Variants in CDON observed in about 807,000 individuals in gnomAD.
CDON encodes the protein cell adhesion molecule-related/down-regulated by oncogenes.
A neutral mutation model predicts 120.9 loss-of-function variants in CDON; 73 were observed. The observed-to-expected ratio is 0.60, with a 90% CI of 0.50 to 0.73. The LOEUF (loss-of-function observed/expected upper bound fraction) is 0.73, where lower values mean the gene tolerates loss of function less well. Among genes scored for constraint, CDON ranks in the 30% least tolerant of loss-of-function variants. The probability of loss-of-function intolerance (pLI) is 0.00; values close to 1 mark genes in which losing one functional copy is unlikely to be tolerated. For missense variants in CDON, 1,470 were observed against 1,587.3 expected (o/e 0.93, Z 1.26); for synonymous variants, 566 against 573.5 (o/e 0.99, Z 0.19).
intron 7 of CDON, among the ~76,000 whole-genome samples, chr11:126,012,050 A>C (rs1947319396): frequency 6.6e-6 from 1 of 152,164 alleles, no homozygotes; most frequent in African/African-American, 2.4e-5. Context: ...CTGTTTCTGT[A>C]CCAATATAAT....
intron 11 of CDON, among the ~76,000 whole-genome samples, chr11:125,998,510 A>G (rs1292917060): frequency 6.6e-6 from 1 of 152,036 alleles, no homozygotes; most frequent in Non-Finnish European, 1.5e-5. Context: ...CTGAGGCCTC[A>G]CTGGAAGCCA....
chr11:126,009,617 C>G (rs936157365), intron 8 of CDON, among the ~76,000 whole-genome samples: 1 of 152,140 alleles, frequency 6.6e-6, no homozygotes, highest in East Asian at 1.9e-4. Context: ...GGTCAGAGAC[C>G]TCAGTTACCC....
chr11:126,054,299 T>G (rs1157067925), intron 1 of CDON, among the ~76,000 whole-genome samples: 1 of 152,182 alleles, frequency 6.6e-6, no homozygotes, highest in Non-Finnish European at 1.5e-5. Flanking sequence ...AGACAAAACA[T>G]GACATCAGCT....
chr11:125,995,202 A>G, intron 12 of CDON, 150 bp from the exon 13 acceptor site: 1 of 727,242 alleles, frequency 1.4e-6, no homozygotes, highest in Middle Eastern at 3.7e-4. Flanking sequence ...CTGTATGGTA[A>G]ATAGATTTCA....
At chr11:125,981,817 CT>C (rs1235191721) in intron 16 of CDON, among the ~76,000 whole-genome samples, 2 of 151,850 alleles carry the variant, frequency 1.3e-5, no homozygotes, top group African/African-American at 4.8e-5. Flanking sequence ...AAAAGACTAG[CT>C]TTAGGTGGGG....
At position 125,973,018 on chromosome 11, in the gene CDON, C is replaced by CTT. The variant is rs35828939; in HGVS notation, c.3356+5284_3356+5285dup. 1.0e-3 allele frequency among the ~76,000 whole-genome samples: 90 copies of CTT among 87,036 alleles called. 3 individuals carry two copies. The highest frequency in any genetic ancestry group is 2.0e-3 in the African/African-American group (50 of 24,600). 57.1% of individuals were successfully genotyped at this position (87,036 alleles called of 152,430 possible). On this transcript the variant is annotated intron_variant, in intron 18 of 19. Transcript: ENST00000531738. ...TGGCCTCTTCAACCAATTACTTGGT[C>CTT]TTTTTTTTTTTTTTTTTTTTTTTTA...
chr11:125,971,628 C>A (rs975315925), intron 18 of CDON, among the ~76,000 whole-genome samples: 1 of 152,142 alleles, frequency 6.6e-6, no homozygotes, highest in Non-Finnish European at 1.5e-5. Flanking sequence ...TGACTATCAG[C>A]CATGTAATTT....
chr11:126,049,297 G>C (rs1297994236), intron 1 of CDON, among the ~76,000 whole-genome samples: 2 of 152,080 alleles, frequency 1.3e-5, no homozygotes, highest in African/African-American at 4.8e-5. Context: ...GATATTATAT[G>C]AGCTCTGTCA....
intron 2 of CDON, among the ~76,000 whole-genome samples, chr11:126,021,748 G>A (rs951507296): frequency 8.6e-5 from 13 of 152,006 alleles, no homozygotes; most frequent in African/African-American, 3.1e-4. Context: ...AACAATTAGG[G>A]TACAAAAGAC....
chr11:125,998,615 T>C (rs1022836745), intron 11 of CDON, among the ~76,000 whole-genome samples: 9 of 152,188 alleles, frequency 5.9e-5, no homozygotes, highest in African/African-American at 1.7e-4. Flanking sequence ...TATTCCTTTA[T>C]AGCAACACAA....
At position 126,021,279 on chromosome 11, in the gene CDON, A is replaced by G. The variant is rs766793243; in HGVS notation, c.318T>C (p.Ile106=). 1.2e-6 allele frequency: 2 copies of G among 1,614,124 alleles called. No homozygotes were observed. The highest frequency in any genetic ancestry group is 4.5e-5 in the East Asian group (2 of 44,882). ...QCLANNSIGA[I]VSGPATVSVA... is the part of the protein sequence containing the mutation. ...CAGATACTGTCGCAGGGCCACTCAC[A>G]ATGGCACCGATGCTATTGTTGGCAA... Residue 106 remains isoleucine (I), a synonymous_variant, in exon 3 of 20, where the codon ATT becomes ATC. Transcript: ENST00000531738.
rs748313763 is a variant in CDON at position 125,958,203 on chromosome 11, C to T, written c.*2739G>A. On this transcript the variant is annotated 3_prime_UTR_variant, in exon 20 of 20. Coordinates refer to ENST00000531738, the MANE Select transcript of CDON (RefSeq NM_001378964.1). ...CTGGTTCCATCCAAAGAGTGAACCA[C>T]AATGCTTTTGGAAAGCAGTATGGAA... 1 of 152,108 alleles carries T rather than the reference C, an allele frequency of 6.6e-6. No individual in the cohort carries two copies. Among genetic ancestry groups the T allele is most frequent in the African/African-American group, 2.4e-5 (1 of 41,414 alleles). The allele number at this position is 152,108 out of a possible 1,614,324, so 9.4% of individuals were successfully genotyped here.
intron 11 of CDON, among the ~76,000 whole-genome samples, chr11:126,000,020 T>C (rs576124): frequency 0.61 from 92,089 of 151,666 alleles, 28,085 homozygotes; most frequent in Admixed American, 0.63. Context: ...GTTTAGCTTA[T>C]GATGCAGAGA....
chr11:125,989,327 G>A (rs560232382), intron 15 of CDON, among the ~76,000 whole-genome samples: 59 of 152,272 alleles, frequency 3.9e-4, no homozygotes, highest in Non-Finnish European at 7.5e-4. Flanking sequence ...CCTGAGGCCA[G>A]GAGTTCGAGA....
At position 126,015,337 on chromosome 11, in the gene CDON, T is replaced by C. The variant is rs373285253; in HGVS notation, c.1102A>G (p.Ser368Gly). 27 of 1,613,994 alleles carry C rather than the reference T, an allele frequency of 1.7e-5. No homozygotes were observed. Among genetic ancestry groups the C allele is most frequent in the East Asian group, 2.2e-5 (1 of 44,888 alleles). ...HLTAGNGLKI[S>G]GVTVEDVGMY... ...CCAACATCTTCCACAGTAACCCCAC[T>C]GATTTTCAGTCCGTTTCCTGCAGTT... The change falls in exon 7 of 20, where the codon AGT (serine) becomes GGT (glycine). Residue 368 changes from serine (S) to glycine (G), a missense_variant. Physicochemically the swap from Ser to Gly is moderately conservative, Grantham distance 56. Transcript: ENST00000531738.
chr11:125,976,516 T>C (rs1333552228), intron 18 of CDON, among the ~76,000 whole-genome samples: 1 of 151,676 alleles, frequency 6.6e-6, no homozygotes, highest in African/African-American at 2.4e-5. Flanking sequence ...TGAAAATTAA[T>C]AGAAATACAA....
intron 18 of CDON, among the ~76,000 whole-genome samples, chr11:125,977,647 G>C (rs780161259): frequency 6.6e-6 from 1 of 151,852 alleles, no homozygotes; most frequent in Non-Finnish European, 1.5e-5. Flanking sequence ...AAAAAGCTTG[G>C]TAATCCTTGG....
rs536350995 is a variant in CDON at position 125,998,838 on chromosome 11, G to T, written c.2159-1428C>A. 2.0e-5 allele frequency among the ~76,000 whole-genome samples: 3 copies of T among 152,270 alleles called. No individual in the cohort carries two copies. In the East Asian group the frequency reaches 5.8e-4, roughly 29 times the overall value. ...GATCTTTTGGCATGCTGACAATCAA[G>T]TTTCTAGAGCTGGAATGTGGAGGGC... On this transcript the variant is annotated intron_variant, in intron 11 of 19. Coordinates refer to ENST00000531738, the MANE Select transcript of CDON (RefSeq NM_001378964.1).
intron 18 of CDON, among the ~76,000 whole-genome samples, chr11:125,978,025 CTAATT>C (rs760821501): frequency 1.3e-5 from 2 of 151,930 alleles, no homozygotes; most frequent in Non-Finnish European, 2.9e-5. Context: ...GAGAATGACT[CTAATT>C]TAAAATTTTC....
Sources: gnomAD v4.1 joint callset for allele counts (sites outside exome capture counted in the v4.1 genomes callset) on GRCh38, gnomAD v4.1.1 for gene constraint, MANE v1.5 for transcripts, NCBI Gene and HGNC (gene_info 2026-07-23, HGNC 2026-07-21) for gene names.